YBX2: variants seen among roughly 807,000 people sequenced by gnomAD.
YBX2 encodes Y-box-binding protein 2.
In YBX2, 5 loss-of-function variants were observed where a neutral mutation model predicts 44.4. That is an observed-to-expected ratio of 0.11 (90% confidence interval 0.06 to 0.24). The LOEUF (loss-of-function observed/expected upper bound fraction) is 0.24, where lower values mean the gene tolerates loss of function less well. YBX2 is among the 10% of genes least tolerant of loss of function. The pLI is 1.00. For synonymous variants in YBX2, 188 were observed against 216.1 expected, an observed-to-expected ratio of 0.87 and a Z score of 1.14; for missense variants, 417 against 526.9, an observed-to-expected ratio of 0.79 and a Z score of 2.04.
chr17:7,289,906 T>C (rs749716287), intron 6 of YBX2, 62 bp downstream of exon 6: 33 of 1,605,112 alleles, frequency 2.1e-5, no homozygotes, highest in Non-Finnish European at 2.8e-5. Flanking sequence ...CATCCTCCTG[T>C]CCCTTGCCCC....
intron 8 of YBX2, 48 bp downstream of exon 8, chr17:7,288,701 C>G: frequency 6.7e-7 from 1 of 1,498,134 alleles, no homozygotes; most frequent in Non-Finnish European, 9.3e-7. Flanking sequence ...CATCGCCACC[C>G]AGTACCTCAC....
Position 7,291,345 on chromosome 17 carries a change from C to A in YBX2, c.370-163G>T. The A allele has an allele frequency of 1.4e-6, 1 of 711,716 alleles. No homozygotes were observed. Among genetic ancestry groups the A allele is most frequent in the Non-Finnish European group, 2.5e-6 (1 of 402,640 alleles). The allele number at this position is 711,716 out of a possible 1,614,324, so 44.1% of individuals were successfully genotyped here. ...GTCAAAGTTTAGCAGGGGAAAAGTC[C>A]TGAACTCAGGGCCTCAGCAGATTGT... On this transcript the variant is annotated intron_variant, in intron 3 of 8. Transcript: ENST00000007699. This position sits in a 1 kb window ranked among gnomAD's most constrained non-coding sequence, Gnocchi z 5.8.
In YBX2 at chr17:7,293,287, G is replaced by C. The variant is rs796927775; in HGVS notation, c.335+188C>G. On this transcript the variant is annotated intron_variant, in intron 2 of 8. Coordinates refer to ENST00000007699, the MANE Select transcript of YBX2 (RefSeq NM_015982.4). ...TCATTAATCCTCCGCTACCCTTGAA[G>C]ATGCGGAGGAGGCTTCCTCTTGTCA... 6.3e-5 allele frequency: 63 copies of C among 1,007,500 alleles called. No homozygotes were observed. The African/African-American group carries it at 8.6e-4, about 14-fold the overall frequency. The allele number at this position is 1,007,500 out of a possible 1,614,324, so 62.4% of individuals were successfully genotyped here. A position where few individuals can be genotyped will look rare whatever the true frequency, so the allele number is the denominator to read the frequency against.
rs2072494948 is a variant in YBX2, at chr17:7,290,592, C to T, written c.460-57G>A. 3.2e-6 allele frequency: 5 copies of T among 1,581,212 alleles called. No homozygotes were observed. In the South Asian group the frequency reaches 5.7e-5, roughly 18 times the overall value. On this transcript the variant is annotated intron_variant, in intron 4 of 8. Transcript: ENST00000007699. ...TGCTCCAACAGCCAATGTGCATTTC[C>T]CAACTTGCTTCCCCTTCTTTCAGGG... is the stretch of plus-strand genomic sequence containing the variant.
Position 7,288,446 on chromosome 17 carries a change from G to C in YBX2, c.*237C>G. The C allele has an allele frequency of 3.7e-6, 1 of 273,558 alleles. No individual in the cohort carries two copies. Among genetic ancestry groups the C allele is most frequent in the Non-Finnish European group, 7.2e-6 (1 of 139,832 alleles). The allele number at this position is 273,558 out of a possible 1,614,324, so 16.9% of individuals were successfully genotyped here. A position where few individuals can be genotyped will look rare whatever the true frequency, so the allele number is the denominator to read the frequency against. ...GTTACGGGAGGGAGTTGCTGTCTCT[G>C]AACAGTAAGGATGGCTCCCTTCCTT... is the stretch of plus-strand genomic sequence containing the variant. On this transcript the variant is annotated 3_prime_UTR_variant, in exon 9 of 9. Transcript: ENST00000007699.
Position 7,294,062 on chromosome 17 carries a change from G to A in YBX2, c.271+168C>T. 2 of 789,582 alleles carry A rather than the reference G, an allele frequency of 2.5e-6. No individual in the cohort carries two copies. The highest frequency in any genetic ancestry group is 3.4e-5 in the East Asian group (1 of 29,418). 48.9% of individuals were successfully genotyped at this position (789,582 alleles called of 1,614,324 possible). ...CCTCTCTCCCAGGAAGGTACGGCAG[G>A]ATTTCCCACCAGGGGAATCCACTTT... On this transcript the variant is annotated intron_variant, in intron 1 of 8. Coordinates refer to ENST00000007699, the MANE Select transcript of YBX2 (RefSeq NM_015982.4). This position sits in a 1 kb window ranked among gnomAD's most constrained non-coding sequence, Gnocchi z 4.6.
At chr17:7,293,280 C>A in intron 2 of YBX2, 195 bp downstream of exon 2, 1 of 931,494 alleles carries the variant, frequency 1.1e-6, no homozygotes, top group South Asian at 1.6e-5. Context: ...CCTCCGCTAC[C>A]CTTGAAGATG....
chr17:7,289,479 G>A, intron 7 of YBX2, 51 bp downstream of exon 7: 1 of 1,555,162 alleles, frequency 6.4e-7, no homozygotes. Flanking sequence ...AGCAGGTGGG[G>A]GAGGGAGCTG....
Position 7,294,303 on chromosome 17 carries a change from A to C in YBX2, c.198T>G (p.Pro66=), listed in dbSNP as rs2143005984. The change falls in exon 1 of 9, where the codon CCT becomes CCG. Residue 66 remains proline (P), a synonymous_variant. Transcript: ENST00000007699. This position sits in a 1 kb window ranked among gnomAD's most constrained non-coding sequence, Gnocchi z 4.6. The stretch of plus-strand genomic sequence containing the variant: ...CCGAGACCGCCGTCGCCGGATTGCC[A>C]GGGGTGCGGGAGCCCGGCGCCGAGG... ...GTPSAPGSRT[P]GNPATAVSGT... 2.4e-6 allele frequency: 3 copies of C among 1,275,824 alleles called. No individual in the cohort carries two copies. The highest frequency in any genetic ancestry group is 3.1e-5 in the East Asian group (1 of 31,928). The allele number at this position is 1,275,824 out of a possible 1,614,324, so 79.0% of individuals were successfully genotyped here. A position where few individuals can be genotyped will look rare whatever the true frequency, so the allele number is the denominator to read the frequency against.
At chr17:7,288,699 C>T in intron 8 of YBX2, 50 bp downstream of exon 8, 1 of 1,490,120 alleles carries the variant, frequency 6.7e-7, no homozygotes, top group Non-Finnish European at 9.3e-7. Context: ...GTCATCGCCA[C>T]CCAGTACCTC....
At chr17:7,292,344 C>A in intron 2 of YBX2, 1 of 447,288 alleles carries the variant, frequency 2.2e-6, no homozygotes, top group East Asian at 4.0e-5. Flanking sequence ...AGCTCTGCCC[C>A]TGCCGGGACT....
chr17:7,294,077 G>GA lies in YBX2; in HGVS notation c.271+152dup. 1 of 877,078 alleles carries GA rather than the reference G, an allele frequency of 1.1e-6. No homozygotes were observed. Among genetic ancestry groups the GA allele is most frequent in the Non-Finnish European group, 1.5e-6 (1 of 660,778 alleles). 54.3% of individuals were successfully genotyped at this position (877,078 alleles called of 1,614,324 possible). A position where few individuals can be genotyped will look rare whatever the true frequency, so the allele number is the denominator to read the frequency against. ...GGTACGGCAGGATTTCCCACCAGGG[G>GA]AATCCACTTTGGTGCGCAGCTCCCA... is the stretch of plus-strand genomic sequence containing the variant. On this transcript the variant is annotated intron_variant, in intron 1 of 8. Transcript: ENST00000007699. The surrounding 1 kb of genome is among the most constrained non-coding windows in gnomAD (Gnocchi z 4.6).
In YBX2 at chr17:7,291,237, C is replaced by T; in HGVS notation, c.370-55G>A. Reference sequence around the variant, plus strand: ...GAGACAGCAAGACAGGAGTCTCTGTCACCCCTGCTGGGGCCACCACCCAAT... The same window carrying T: ...GAGACAGCAAGACAGGAGTCTCTGTTACCCCTGCTGGGGCCACCACCCAAT... On this transcript the variant is annotated intron_variant, in intron 3 of 8. Transcript: ENST00000007699. The surrounding 1 kb of genome is among the most constrained non-coding windows in gnomAD (Gnocchi z 5.8). The T allele has an allele frequency of 6.4e-7, 1 of 1,553,716 alleles. No individual in the cohort carries two copies.
At position 7,294,107 on chromosome 17, in the gene YBX2, A is replaced by G; in HGVS notation, c.271+123T>C. On this transcript the variant is annotated intron_variant, in intron 1 of 8. Transcript: ENST00000007699. The surrounding 1 kb of genome is among the most constrained non-coding windows in gnomAD (Gnocchi z 4.6). ...CACTTTGGTGCGCAGCTCCCAGCCC[A>G]GTTAGCGCTCTGGGCCTGCGGGCCA... 1.8e-6 allele frequency: 2 copies of G among 1,088,852 alleles called. No homozygotes were observed. The highest frequency in any genetic ancestry group is 4.2e-5 in the South Asian group (1 of 23,720). 67.4% of individuals were successfully genotyped at this position (1,088,852 alleles called of 1,614,324 possible). A position where few individuals can be genotyped will look rare whatever the true frequency, so the allele number is the denominator to read the frequency against.
At position 7,294,247 on chromosome 17, in the gene YBX2, G is replaced by T; in HGVS notation, c.254C>A (p.Ala85Glu). ...CCCCTCACCCAGCACCGGCTTGTCC[G>T]CCTGACTCCGGGCCGGGGGGGCGGG... is the stretch of plus-strand genomic sequence containing the variant. ...GTPAPPARSQ[A>E]DKPVLAIQVL... Residue 85 changes from alanine (A) to glutamate (E), a missense_variant, in exon 1 of 9, where the codon GCG (alanine) becomes GAG (glutamate). This residue lies in a region of YBX2 where 121 missense variants were observed against 141.3 expected (regional missense o/e 0.86). Transcript: ENST00000007699. This position sits in a 1 kb window ranked among gnomAD's most constrained non-coding sequence, Gnocchi z 4.6. The T allele has an allele frequency of 7.9e-7, 1 of 1,273,738 alleles. No individual in the cohort carries two copies. The highest frequency in any genetic ancestry group is 3.1e-5 in the South Asian group (1 of 32,338). 78.9% of individuals were successfully genotyped at this position (1,273,738 alleles called of 1,614,324 possible). A position where few individuals can be genotyped will look rare whatever the true frequency, so the allele number is the denominator to read the frequency against.
At chr17:7,293,306 C>G in intron 2 of YBX2, 169 bp downstream of exon 2, 1 of 1,263,940 alleles carries the variant, frequency 7.9e-7, no homozygotes, top group East Asian at 2.6e-5. Flanking sequence ...GAGGCTTCCT[C>G]TTGTCACGAA....
intron 7 of YBX2, 54 bp downstream of exon 7, chr17:7,289,476 G>C (rs1011689453): frequency 6.1e-5 from 94 of 1,553,612 alleles, no homozygotes; most frequent in East Asian, 1.4e-4. Context: ...AGGAGCAGGT[G>C]GGGGAGGGAG....
At chr17:7,292,340 GC>G (rs2072507173) in intron 2 of YBX2, 2 of 456,844 alleles carry the variant, frequency 4.4e-6, no homozygotes, top group African/African-American at 2.0e-5. Context: ...AGACAGCTCT[GC>G]CCCTGCCGGG....
chr17:7,291,968 A>T lies in YBX2; in HGVS notation c.369+58T>A. On this transcript the variant is annotated intron_variant, in intron 3 of 8. Coordinates refer to ENST00000007699, the MANE Select transcript of YBX2 (RefSeq NM_015982.4). The surrounding 1 kb of genome is among the most constrained non-coding windows in gnomAD (Gnocchi z 5.8). ...GGCGGAGCGCACTGCTAAGGATTAC[A>T]GCAAAGGCCTTCAAAGACGGCCGGT... 1 of 1,607,584 alleles carries T rather than the reference A, an allele frequency of 6.2e-7. No homozygotes were observed. Among genetic ancestry groups the T allele is most frequent in the Non-Finnish European group, 8.5e-7 (1 of 1,174,096 alleles).
Sources: allele counts gnomAD v4.1 joint callset, GRCh38; gene constraint gnomAD v4.1.1; regional missense constraint gnomAD v4.1.1; non-coding constraint Gnocchi (gnomAD v3.1); transcripts MANE v1.5; gene names NCBI Gene and HGNC (gene_info 2026-07-23, HGNC 2026-07-21).